Variants in PTPRT observed in about 807,000 individuals in gnomAD.
PTPRT encodes the protein receptor-type tyrosine-protein phosphatase T.
Under a neutral mutation model 176.8 loss-of-function variants are expected in PTPRT, and 56 were observed. The ratio of observed to expected loss-of-function variants is 0.32; its 90% confidence interval spans 0.26 to 0.40. The LOEUF (loss-of-function observed/expected upper bound fraction) is 0.40. PTPRT is among the 10% of genes least tolerant of loss of function. PTPRT has a pLI of 1.00. For synonymous variants in PTPRT, 783 were observed against 739.0 expected (o/e 1.06, Z -0.96); for missense variants, 1,540 against 1,908.2 (o/e 0.81, Z 3.60).
At chr20:42,828,064 T>C (rs2078025994) in intron 2 of PTPRT, among the ~76,000 whole-genome samples, 1 of 152,094 alleles carries the variant, frequency 6.6e-6, no homozygotes, top group Admixed American at 6.6e-5. Flanking sequence ...TTGGAACAGT[T>C]TGGAGGATTT....
At chr20:43,149,945 T>C (rs2014296128) in intron 1 of PTPRT, among the ~76,000 whole-genome samples, 1 of 152,158 alleles carries the variant, frequency 6.6e-6, no homozygotes, top group African/African-American at 2.4e-5. Flanking sequence ...CCGTGAGATG[T>C]GAAGGGAAAT....
chr20:42,196,386 T>C (rs1251436126), intron 16 of PTPRT, among the ~76,000 whole-genome samples: 2 of 152,196 alleles, frequency 1.3e-5, no homozygotes, highest in Admixed American at 1.3e-4. Context: ...TTATGGGGTA[T>C]AGTGTGATAC....
rs1980051864 is a variant in PTPRT at position 42,934,473 on chromosome 20, G to A, written c.89-48541C>T. On this transcript the variant is annotated intron_variant, in intron 1 of 30. Coordinates refer to ENST00000373187, the MANE Select transcript of PTPRT (RefSeq NM_007050.6). ...TCAGGAATCCAGGCAGAGCTCAGCT[G>A]GGTCCTCTCTGTCAGCATCTCACAA... Among the ~76,000 whole-genome samples, 3 of 152,164 alleles carry A rather than the reference G, an allele frequency of 2.0e-5. No individual in the cohort carries two copies. In the South Asian group the frequency reaches 6.2e-4, roughly 32 times the overall value.
intron 1 of PTPRT, among the ~76,000 whole-genome samples, chr20:42,912,990 A>G (rs1457439081): frequency 6.6e-6 from 1 of 152,106 alleles, no homozygotes; most frequent in Non-Finnish European, 1.5e-5. Context: ...TGCCTATCCT[A>G]CCTCTTACTA....
intron 7 of PTPRT, among the ~76,000 whole-genome samples, chr20:42,616,510 A>T (rs1228209277): frequency 1.4e-4 from 18 of 127,396 alleles, no homozygotes; most frequent in South Asian, 5.0e-4. Flanking sequence ...TGGCATTGAA[A>T]CTGTAAATTA....
At chr20:42,835,451 T>C (rs1055363120) in intron 2 of PTPRT, among the ~76,000 whole-genome samples, 6 of 151,868 alleles carry the variant, frequency 4.0e-5, no homozygotes, top group African/African-American at 1.5e-4. Flanking sequence ...CCAAATGAAA[T>C]AGAAAAGGAC....
rs373703559 is a variant in PTPRT at position 43,101,078 on chromosome 20, C to T, written c.88+88568G>A. 4.4e-4 allele frequency among the ~76,000 whole-genome samples: 67 copies of T among 152,258 alleles called. 2 individuals are homozygous for T. Among genetic ancestry groups the T allele is most frequent in the East Asian group, 4.0e-3 (21 of 5,190 alleles). ...CATGTGGCTACCTTTTCCTTTTTAGCAGGATGCTTTAATGCCACATAAACA... is the reference window on the plus strand; with the variant it reads ...CATGTGGCTACCTTTTCCTTTTTAGTAGGATGCTTTAATGCCACATAAACA... On this transcript the variant is annotated intron_variant, in intron 1 of 30. Transcript: ENST00000373187.
At chr20:42,825,268 T>C (rs1178058432) in intron 2 of PTPRT, among the ~76,000 whole-genome samples, 1 of 152,030 alleles carries the variant, frequency 6.6e-6, no homozygotes, top group Non-Finnish European at 1.5e-5. Flanking sequence ...TGAGAAATCA[T>C]AACAAATATT....
chr20:42,671,512 A>C (rs2075412699), intron 7 of PTPRT, among the ~76,000 whole-genome samples: 1 of 152,236 alleles, frequency 6.6e-6, no homozygotes, highest in African/African-American at 2.4e-5. Flanking sequence ...AGACCACAGC[A>C]TGAACTCTGA....
At chr20:42,122,533 G>A (rs1347983340) in intron 19 of PTPRT, among the ~76,000 whole-genome samples, 1 of 152,146 alleles carries the variant, frequency 6.6e-6, no homozygotes, top group Non-Finnish European at 1.5e-5. Flanking sequence ...GTCTTGAGTA[G>A]CTTTGGGAAT....
chr20:42,597,707 C>T (rs2073696876), intron 7 of PTPRT, among the ~76,000 whole-genome samples: 2 of 152,192 alleles, frequency 1.3e-5, no homozygotes, highest in South Asian at 4.1e-4. Context: ...GCTTCCTGTA[C>T]AGCCTGTGGA....
intron 7 of PTPRT, among the ~76,000 whole-genome samples, chr20:42,591,034 A>C (rs13038105): frequency 6.6e-6 from 1 of 151,848 alleles, no homozygotes; most frequent in Non-Finnish European, 1.5e-5. Flanking sequence ...TGCTATATAC[A>C]CCAAGATAAT....
chr20:42,620,561 G>A (rs569723042), intron 7 of PTPRT, among the ~76,000 whole-genome samples: 1 of 151,636 alleles, frequency 6.6e-6, no homozygotes, highest in South Asian at 2.1e-4. Context: ...CTTGCAGTTT[G>A]ATCTCAGACT....
At chr20:43,037,261 T>C (rs1348336334) in intron 1 of PTPRT, among the ~76,000 whole-genome samples, 1 of 152,264 alleles carries the variant, frequency 6.6e-6, no homozygotes, top group Non-Finnish European at 1.5e-5. Flanking sequence ...TGTGAAACTA[T>C]GCTAGGAAAC....
At chr20:43,134,765 G>C (rs1465031309) in intron 1 of PTPRT, among the ~76,000 whole-genome samples, 1 of 152,180 alleles carries the variant, frequency 6.6e-6, no homozygotes, top group East Asian at 1.9e-4. Context: ...AGAAAATTTG[G>C]TGGTATTAAT....
intron 2 of PTPRT, among the ~76,000 whole-genome samples, chr20:42,837,774 GTGAC>G (rs1457133639): frequency 1.3e-5 from 2 of 152,192 alleles, no homozygotes; most frequent in African/African-American, 2.4e-5. Context: ...CCAGTGAAGA[GTGAC>G]TGCCAGGAAA....
chr20:42,666,612 G>A (rs1420291728), intron 7 of PTPRT, among the ~76,000 whole-genome samples: 3 of 152,122 alleles, frequency 2.0e-5, no homozygotes, highest in African/African-American at 7.2e-5. Context: ...AATTTGGGAA[G>A]GATTGCTATC....
At chr20:42,606,662 C>T (rs1294303308) in intron 7 of PTPRT, 1 of 152,152 alleles carries the variant, frequency 6.6e-6, no homozygotes, top group Non-Finnish European at 1.5e-5. Flanking sequence ...TTAAAAATAG[C>T]TTTTGAGCTG....
At chr20:42,057,123 A>T in the PTPRT span, among the ~76,000 whole-genome samples, 1 of 152,346 alleles carries the variant, frequency 6.6e-6, no homozygotes, top group South Asian at 2.1e-4. Context: ...TCATGAAGAC[A>T]GGCCCATCCA....
Sources: gnomAD v4.1 joint callset for allele counts (sites outside exome capture counted in the v4.1 genomes callset) on GRCh38, gnomAD v4.1.1 for gene constraint, MANE v1.5 for transcripts, NCBI Gene and HGNC (gene_info 2026-07-23, HGNC 2026-07-21) for gene names.